Variants in CCDC91 observed in about 807,000 individuals in gnomAD.
CCDC91 encodes the protein coiled-coil domain containing 91.
A neutral mutation model predicts 63.2 loss-of-function variants in CCDC91; 48 were observed. The ratio of observed to expected loss-of-function variants is 0.76; its 90% CI spans 0.60 to 0.97. The LOEUF is 0.97. CCDC91 is among the 50% of genes least tolerant of loss of function. CCDC91 has a pLI of 0.00. For synonymous variants in CCDC91, 167 were observed against 165.8 expected (o/e 1.01, Z -0.06); for missense variants, 500 against 494.6 (o/e 1.01, Z -0.10).
intron 1 of CCDC91, among the ~76,000 whole-genome samples, chr12:28,217,213 A>G (rs1381691464): frequency 6.6e-6 from 1 of 152,192 alleles, no homozygotes; most frequent in Non-Finnish European, 1.5e-5. Flanking sequence ...AGATTAGAAT[A>G]CATAATTGAA....
At chr12:28,439,066 T>A (rs1378592498) in intron 8 of CCDC91, among the ~76,000 whole-genome samples, 2 of 152,204 alleles carry the variant, frequency 1.3e-5, no homozygotes, top group African/African-American at 4.8e-5. Context: ...TTTTGTGTCA[T>A]TCCTAATCAC....
At chr12:28,418,264 T>G (rs770623278) in intron 8 of CCDC91, among the ~76,000 whole-genome samples, 24 of 152,064 alleles carry the variant, frequency 1.6e-4, no homozygotes, top group Admixed American at 2.6e-4. Flanking sequence ...TTACCAAAAT[T>G]TATGAAAAAT....
intron 8 of CCDC91, among the ~76,000 whole-genome samples, chr12:28,440,884 C>A (rs1281497520): frequency 3.3e-5 from 5 of 151,340 alleles, no homozygotes; most frequent in Admixed American, 6.6e-5. Flanking sequence ...CACGGTGAAA[C>A]CCTGTCTCTA....
intron 8 of CCDC91, among the ~76,000 whole-genome samples, chr12:28,440,676 CAT>C (rs1949138293): frequency 6.6e-6 from 1 of 152,004 alleles, no homozygotes; most frequent in Admixed American, 6.6e-5. Context: ...ATTCATGAAA[CAT>C]ATATCTGACA....
chr12:28,470,786 A>G (rs565506823), intron 11 of CCDC91, among the ~76,000 whole-genome samples: 1 of 152,200 alleles, frequency 6.6e-6, no homozygotes, highest in Non-Finnish European at 1.5e-5. Flanking sequence ...TTGCAACAAC[A>G]TGAATGGAAC....
intron 6 of CCDC91, among the ~76,000 whole-genome samples, chr12:28,310,546 A>G (rs1939214886): frequency 6.6e-6 from 1 of 152,042 alleles, no homozygotes. Context: ...GCATGGGAAT[A>G]AAAGAGTAAC....
chr12:28,277,316 T>A (rs542590211), intron 3 of CCDC91, among the ~76,000 whole-genome samples: 1 of 152,136 alleles, frequency 6.6e-6, no homozygotes, highest in South Asian at 2.1e-4. Context: ...AGTTTGGGTT[T>A]TTTCTTTGAT....
intron 8 of CCDC91, among the ~76,000 whole-genome samples, chr12:28,398,473 T>C (rs1946421535): frequency 6.6e-6 from 1 of 152,224 alleles, no homozygotes; most frequent in Non-Finnish European, 1.5e-5. Context: ...CTGCTTTAAA[T>C]GTTTGCATAT....
rs1941274510 is a variant in CCDC91 at position 28,526,478 on chromosome 12, A to G, written c.1216-22585A>G. Among the ~76,000 whole-genome samples, 3 of 151,890 alleles carry G rather than the reference A, an allele frequency of 2.0e-5. No homozygotes were observed. The South Asian group carries it at 6.2e-4, about 32-fold the overall frequency. On this transcript the variant is annotated intron_variant, in intron 12 of 12. Transcript: ENST00000536442. ...GGTTTCTGCTGAGAAATCTATTGTT[A>G]ATCTGATTGGTTTTCCTTTATAGGT...
intron 11 of CCDC91, among the ~76,000 whole-genome samples, chr12:28,483,325 A>C (rs944205340): frequency 6.6e-6 from 1 of 152,076 alleles, no homozygotes; most frequent in African/African-American, 2.4e-5. Context: ...GATGGGAATG[A>C]AAAGATTTTG....
At chr12:28,315,153 G>GTGTATATA (rs1555182099) in intron 6 of CCDC91, among the ~76,000 whole-genome samples, 1 of 147,998 alleles carries the variant, frequency 6.8e-6, no homozygotes, top group Non-Finnish European at 1.5e-5. Flanking sequence ...TGTGTCAGTT[G>GTGTATATA]TATATATATA....
At chr12:28,527,624 G>T (rs950287227) in intron 12 of CCDC91, among the ~76,000 whole-genome samples, 11 of 125,282 alleles carry the variant, frequency 8.8e-5, no homozygotes, top group Non-Finnish European at 1.7e-4. Context: ...ATGGGAGTAT[G>T]GGGGGGGAAC....
chr12:28,521,621 T>A (rs1300805461), intron 12 of CCDC91, among the ~76,000 whole-genome samples: 2 of 152,020 alleles, frequency 1.3e-5, no homozygotes, highest in Non-Finnish European at 1.5e-5. Context: ...TGATTAGGAG[T>A]GGTGAGAGGG....
chr12:28,464,766 C>T (rs554553196), intron 11 of CCDC91, among the ~76,000 whole-genome samples: 50 of 152,166 alleles, frequency 3.3e-4, no homozygotes, highest in Non-Finnish European at 6.5e-4. Flanking sequence ...AGTACATTCC[C>T]AGCTGTGGTG....
At chr12:28,541,517 A>C (rs77110143) in intron 12 of CCDC91, among the ~76,000 whole-genome samples, 1 of 152,118 alleles carries the variant, frequency 6.6e-6, no homozygotes, top group Non-Finnish European at 1.5e-5. Flanking sequence ...TAATTGACAG[A>C]TATTGTTCTT....
intron 12 of CCDC91, among the ~76,000 whole-genome samples, chr12:28,500,942 T>A (rs945281896): frequency 6.6e-6 from 1 of 151,688 alleles, no homozygotes; most frequent in African/African-American, 2.4e-5. Context: ...ATAGAAATTC[T>A]CATATATACT....
chr12:28,226,546 A>G (rs1944284525), intron 1 of CCDC91, among the ~76,000 whole-genome samples: 1 of 152,174 alleles, frequency 6.6e-6, no homozygotes, highest in Admixed American at 6.6e-5. Flanking sequence ...TAGAAATATA[A>G]ACATTATTAT....
chr12:28,288,046 T>C (rs1268602152), intron 3 of CCDC91, among the ~76,000 whole-genome samples: 1 of 152,166 alleles, frequency 6.6e-6, no homozygotes, highest in Non-Finnish European at 1.5e-5. Flanking sequence ...TTTTTGTATA[T>C]TGATATTTTG....
At chr12:28,371,556 A>C (rs1171942446) in intron 7 of CCDC91, among the ~76,000 whole-genome samples, 1 of 152,240 alleles carries the variant, frequency 6.6e-6, no homozygotes, top group Non-Finnish European at 1.5e-5. Context: ...CTCTTGTACA[A>C]ATAGAATTAT....
Sources: gnomAD v4.1 joint callset for allele counts (sites outside exome capture counted in the v4.1 genomes callset) on GRCh38, gnomAD v4.1.1 for gene constraint, MANE v1.5 for transcripts, NCBI Gene and HGNC (gene_info 2026-07-23, HGNC 2026-07-21) for gene names.